Variants in ZNF846 observed in about 807,000 individuals in gnomAD.
ZNF846 encodes zinc finger protein 846.
A neutral mutation model predicts 16.0 loss-of-function variants in ZNF846; 15 were observed. That is an observed-to-expected ratio of 0.94 (90% CI 0.63 to 1.45). ZNF846 has a LOEUF of 1.45. ZNF846 is among the 40% of genes most tolerant of loss of function. ZNF846 has a pLI of 0.00. For missense variants in ZNF846, 714 were observed against 622.3 expected (o/e 1.15, Z -1.57); for synonymous variants, 229 against 212.0 (o/e 1.08, Z -0.70).
At chr19:9,769,119 C>T (rs1165804213), upstream of ZNF846, among the ~76,000 whole-genome samples, 1 of 152,184 alleles carries the variant, frequency 6.6e-6, no homozygotes, top group Non-Finnish European at 1.5e-5. Flanking sequence ...AGGCTCCGGT[C>T]TGTCGCCTAG....
At chr19:9,759,652 G>T (rs189671475) in intron 5 of ZNF846, among the ~76,000 whole-genome samples, 1 of 151,770 alleles carries the variant, frequency 6.6e-6, no homozygotes. Flanking sequence ...CTGAATAGCT[G>T]AGTTGTATGT....
intron 1 of ZNF846, among the ~76,000 whole-genome samples, chr19:9,780,048 G>T (rs868331479): frequency 1.0e-3 from 126 of 124,192 alleles, no homozygotes; most frequent in African/African-American, 2.7e-3. Context: ...AGCTAATTTT[G>T]TTTTTTTTTT....
At chr19:9,756,291 TAATA>T (rs1364628606), downstream of ZNF846, 1 of 144,116 alleles carries the variant, frequency 6.9e-6, no homozygotes, top group African/African-American at 2.7e-5. Context: ...AAGGATGAAA[TAATA>T]CATACGTGTG....
At chr19:9,766,649 G>A (rs2045319974) in intron 1 of ZNF846, among the ~76,000 whole-genome samples, 1 of 151,890 alleles carries the variant, frequency 6.6e-6, no homozygotes, top group Admixed American at 6.6e-5. Flanking sequence ...AGGCCGAGGT[G>A]AGTGGATCAC....
At chr19:9,769,986 A>G (rs1344484960), upstream of ZNF846, among the ~76,000 whole-genome samples, 1 of 151,982 alleles carries the variant, frequency 6.6e-6, no homozygotes, top group Middle Eastern at 3.2e-3. Context: ...GTCTCAAAAA[A>G]AAAAAAAAAA....
chr19:9,764,746 C>T (rs1157825444), intron 2 of ZNF846, 190 bp downstream of exon 2: 11 of 651,706 alleles, frequency 1.7e-5, no homozygotes, highest in African/African-American at 3.6e-5. Flanking sequence ...GGCCAGATCC[C>T]GCAATACACT....
At chr19:9,758,888 T>C in intron 5 of ZNF846, 124 bp from the exon 6 acceptor site, 1 of 826,538 alleles carries the variant, frequency 1.2e-6, no homozygotes, top group Admixed American at 3.4e-5. Flanking sequence ...CCATTATATG[T>C]ACAGAGTTCC....
exon 6 of ZNF846, chr19:9,757,971 T>C: frequency 6.2e-7 from 1 of 1,613,694 alleles, no homozygotes; most frequent in South Asian, 1.1e-5. Flanking sequence ...CCCACATGCC[T>C]TACATAAATA....
At chr19:9,781,870 C>A (rs187545866) in intron 1 of ZNF846, among the ~76,000 whole-genome samples, 1 of 151,642 alleles carries the variant, frequency 6.6e-6, no homozygotes, top group Non-Finnish European at 1.5e-5. Flanking sequence ...CCTCCGCCTC[C>A]GGGTTCAAGG....
At chr19:9,752,719 T>G (rs2145157761), downstream of ZNF846, among the ~76,000 whole-genome samples, 1 of 152,044 alleles carries the variant, frequency 6.6e-6, no homozygotes, top group Non-Finnish European at 1.5e-5. Flanking sequence ...ATATTGAAGC[T>G]TTTTGCTTAT....
In ZNF846 at chr19:9,757,966, A is replaced by G. The variant is rs562034745; in HGVS notation, c.1111T>C (p.Cys371Arg). ...GAGGAACGAGTAAAAGCTTTCCCAC[A>G]TGCCTTACATAAATACAGCTTCTCT... The change falls in exon 6 of 6, where the codon TGT becomes CGT. Residue 371 changes from cysteine (C) to arginine (R), a missense_variant. Cys to Arg is a radical substitution (Grantham distance 180, BLOSUM62 -3). Transcript: ENST00000397902. The G allele has an allele frequency of 1.2e-5, 20 of 1,613,690 alleles. No individual in the cohort carries two copies. The East Asian group carries it at 2.5e-4, about 20-fold the overall frequency.
At chr19:9,784,501 G>A (rs952693720) in intron 1 of ZNF846, among the ~76,000 whole-genome samples, 9 of 152,156 alleles carry the variant, frequency 5.9e-5, no homozygotes, top group African/African-American at 1.7e-4. Context: ...ATGTGCAATC[G>A]GGTTTTACAC....
downstream of ZNF846, chr19:9,752,572 TC>T (rs2145156420): frequency 6.7e-6 from 1 of 150,238 alleles, no homozygotes; most frequent in East Asian, 2.0e-4. Context: ...TGGAGATTGT[TC>T]CACTGCATTC....
downstream of ZNF846, among the ~76,000 whole-genome samples, chr19:9,750,666 T>C (rs2045076706): frequency 6.6e-6 from 1 of 152,208 alleles, no homozygotes; most frequent in Admixed American, 6.5e-5. Flanking sequence ...AAAAGAGTCA[T>C]CCCATTAATC....
At position 9,783,538 on chromosome 19, in the gene ZNF846, A is replaced by ATAT. The variant is rs1214845852; in HGVS notation, c.-86+2399_-86+2400insATA. 2.7e-3 allele frequency among the ~76,000 whole-genome samples: 311 copies of ATAT among 115,376 alleles called. 3 individuals are homozygous for ATAT. Among genetic ancestry groups the ATAT allele is most frequent in the Admixed American group, 0.018 (199 of 11,164 alleles). 75.7% of individuals were successfully genotyped at this position (115,376 alleles called of 152,430 possible). On this transcript the variant is annotated intron_variant, in intron 1 of 4. Transcript: ENST00000586814. The stretch of plus-strand genomic sequence containing the variant: ...AGAGTCTCATCACTAAAAAAAAAAA[A>ATAT]AAAAAAATATATATATATATATATA...
intron 1 of ZNF846, among the ~76,000 whole-genome samples, chr19:9,785,089 TAAG>T (rs902749747): frequency 2.6e-5 from 4 of 152,014 alleles, no homozygotes; most frequent in African/African-American, 7.2e-5. Flanking sequence ...GACCTAACCA[TAAG>T]AAGTCAGTGA....
At chr19:9,750,583 C>T (rs1182109486), downstream of ZNF846, among the ~76,000 whole-genome samples, 1 of 152,206 alleles carries the variant, frequency 6.6e-6, no homozygotes, top group Non-Finnish European at 1.5e-5. Context: ...CTCTAGTCTT[C>T]CTTACCCCCA....
intron 1 of ZNF846, chr19:9,774,977 T>G (rs1599400188): frequency 1.2e-6 from 2 of 1,607,162 alleles, no homozygotes; most frequent in East Asian, 4.5e-5. Context: ...CCACGATTGG[T>G]TCCAGCAAGT....
chr19:9,785,214 T>TG (rs1459537825), intron 1 of ZNF846, among the ~76,000 whole-genome samples: 13 of 149,622 alleles, frequency 8.7e-5, no homozygotes, highest in African/African-American at 3.2e-4. Context: ...TTTTTTTTTT[T>TG]TTTTTTTGAG....
Sources: gnomAD v4.1 joint callset for allele counts (sites outside exome capture counted in the v4.1 genomes callset) on GRCh38, gnomAD v4.1.1 for gene constraint, MANE v1.5 for transcripts, NCBI Gene and HGNC (gene_info 2026-07-23, HGNC 2026-07-21) for gene names.